Variants in CCSER1 observed in about 807,000 individuals in gnomAD.
The protein encoded by CCSER1 is coiled-coil serine rich protein 1.
In CCSER1, 41 loss-of-function variants were observed where a neutral mutation model predicts 82.0. The ratio of observed to expected loss-of-function variants is 0.50; its 90% CI spans 0.39 to 0.65. The LOEUF (loss-of-function observed/expected upper bound fraction) is 0.65, where lower values mean the gene tolerates loss of function less well. Among genes scored for constraint, CCSER1 ranks in the 30% least tolerant of loss-of-function variants. The pLI is 0.00. For synonymous variants in CCSER1, 414 were observed against 383.9 expected (o/e 1.08, Z -0.92); for missense variants, 1,119 against 1,064.2 (o/e 1.05, Z -0.72).
chr4:90,446,729 A>T (rs1010762355), intron 4 of CCSER1, among the ~76,000 whole-genome samples: 8 of 152,184 alleles, frequency 5.3e-5, no homozygotes, highest in South Asian at 2.1e-4. Context: ...GATTTTCCTC[A>T]ATACAACTTT....
intron 5 of CCSER1, among the ~76,000 whole-genome samples, chr4:90,569,658 C>G (rs1560736077): frequency 6.6e-6 from 1 of 152,186 alleles, no homozygotes; most frequent in Non-Finnish European, 1.5e-5. Flanking sequence ...CAATTTGTAC[C>G]TATGTGGAGC....
At chr4:91,027,285 C>T (rs1274942473) in intron 9 of CCSER1, among the ~76,000 whole-genome samples, 1 of 151,976 alleles carries the variant, frequency 6.6e-6, no homozygotes, top group African/African-American at 2.4e-5. Context: ...TTACTAGACA[C>T]ATAATCCTAA....
rs1478138962 is a variant in CCSER1 at position 91,496,602 on chromosome 4, G to C, written c.2218-101970G>C. 1.7e-3 allele frequency among the ~76,000 whole-genome samples: 18 copies of C among 10,668 alleles called. 4 individuals are homozygous for C. Among genetic ancestry groups the C allele is most frequent in the Non-Finnish European group, 3.8e-3 (13 of 3,406 alleles). 7.0% of individuals were successfully genotyped at this position (10,668 alleles called of 152,430 possible). On this transcript the variant is annotated intron_variant, in intron 10 of 10. Transcript: ENST00000509176. ...TATATATATACACGAATATATATTT[G>C]AATATATATATACACGAATATATAT...
intron 10 of CCSER1, among the ~76,000 whole-genome samples, chr4:91,573,530 G>T (rs1051141178): frequency 6.6e-6 from 1 of 152,156 alleles, no homozygotes; most frequent in Admixed American, 6.5e-5. Context: ...AGTGCAGTGG[G>T]TTCACAAGGA....
At chr4:90,626,773 ATTG>A (rs779669775) in intron 5 of CCSER1, among the ~76,000 whole-genome samples, 2 of 152,184 alleles carry the variant, frequency 1.3e-5, no homozygotes, top group Admixed American at 6.5e-5. Flanking sequence ...ACCTTAAAGA[ATTG>A]TTGTGAGAAT....
intron 5 of CCSER1, among the ~76,000 whole-genome samples, chr4:90,516,037 A>C (rs1772214434): frequency 6.6e-6 from 1 of 152,216 alleles, no homozygotes; most frequent in Admixed American, 6.5e-5. Context: ...AAACAGAAAT[A>C]TAATTTGCAC....
chr4:91,529,240 G>T (rs2110163238), intron 10 of CCSER1, among the ~76,000 whole-genome samples: 1 of 152,142 alleles, frequency 6.6e-6, no homozygotes, highest in East Asian at 1.9e-4. Flanking sequence ...TATCTTTTTA[G>T]TCAGAGAATT....
intron 7 of CCSER1, among the ~76,000 whole-genome samples, chr4:90,776,133 A>G (rs1342592700): frequency 1.3e-5 from 2 of 152,192 alleles, no homozygotes; most frequent in Non-Finnish European, 2.9e-5. Flanking sequence ...TGGATACAAC[A>G]GTAAAACAAT....
chr4:90,903,986 A>T (rs1214785413), intron 8 of CCSER1, among the ~76,000 whole-genome samples: 1 of 151,710 alleles, frequency 6.6e-6, no homozygotes, highest in Non-Finnish European at 1.5e-5. Context: ...AAAAATTAAT[A>T]ATTTTTTTTG....
intron 6 of CCSER1, among the ~76,000 whole-genome samples, chr4:90,637,932 T>A (rs1725730500): frequency 6.6e-6 from 1 of 152,172 alleles, no homozygotes; most frequent in Non-Finnish European, 1.5e-5. Flanking sequence ...ACTTGGAAAG[T>A]GTTTCTGTGA....
chr4:91,393,290 G>A (rs1052591970), intron 10 of CCSER1, among the ~76,000 whole-genome samples: 2 of 151,832 alleles, frequency 1.3e-5, no homozygotes, highest in African/African-American at 2.4e-5. Context: ...ATAAAAATTA[G>A]AAAAGAATAT....
chr4:90,664,011 C>T (rs1731274615), intron 6 of CCSER1: 1 of 165,542 alleles, frequency 6.0e-6, no homozygotes, highest in East Asian at 1.7e-4. Context: ...TTAAAAAAAT[C>T]TCTATTTAGT....
chr4:90,246,421 C>G (rs1035809376), intron 1 of CCSER1, among the ~76,000 whole-genome samples: 1 of 152,050 alleles, frequency 6.6e-6, no homozygotes, highest in Non-Finnish European at 1.5e-5. Context: ...TTATACAATT[C>G]CTCTTATTTT....
At chr4:90,813,347 T>C (rs925131863) in intron 7 of CCSER1, among the ~76,000 whole-genome samples, 1 of 152,236 alleles carries the variant, frequency 6.6e-6, no homozygotes, top group South Asian at 2.1e-4. Context: ...GGAATGCCGA[T>C]GCAAGGGATG....
At chr4:90,307,974 T>A (rs1418772469) in intron 1 of CCSER1, among the ~76,000 whole-genome samples, 2 of 152,140 alleles carry the variant, frequency 1.3e-5, no homozygotes, top group African/African-American at 4.8e-5. Flanking sequence ...ATACCTGGTG[T>A]CTCCAAAGCC....
intron 10 of CCSER1, among the ~76,000 whole-genome samples, chr4:91,474,828 CACACACACACAT>C: frequency 6.8e-6 from 1 of 147,962 alleles, no homozygotes; most frequent in South Asian, 2.2e-4. Flanking sequence ...CACACACACA[CACACACACACAT>C]TGCCTTCCAA....
intron 1 of CCSER1, among the ~76,000 whole-genome samples, chr4:90,201,021 G>T (rs1578455297): frequency 6.6e-6 from 1 of 152,180 alleles, no homozygotes; most frequent in East Asian, 1.9e-4. Context: ...TTTCAAAATA[G>T]AGTCCATAAT....
At chr4:90,447,571 C>T (rs928676727) in intron 4 of CCSER1, among the ~76,000 whole-genome samples, 2 of 152,154 alleles carry the variant, frequency 1.3e-5, no homozygotes, top group African/African-American at 2.4e-5. Flanking sequence ...AATTAAGTCA[C>T]ATAGACTAAA....
intron 10 of CCSER1, among the ~76,000 whole-genome samples, chr4:91,139,871 A>C (rs1728863685): frequency 6.6e-6 from 1 of 152,160 alleles, no homozygotes; most frequent in Non-Finnish European, 1.5e-5. Context: ...CAGCCAGTCC[A>C]TTGAGACTAG....
Sources: allele counts gnomAD v4.1 joint callset (sites outside exome capture counted in the v4.1 genomes callset), GRCh38; gene constraint gnomAD v4.1.1; transcripts MANE v1.5; gene names NCBI Gene and HGNC (gene_info 2026-07-23, HGNC 2026-07-21).